The following ZDHHC2 variants were observed in gnomAD, a reference collection of about 807,000 sequenced individuals.
ZDHHC2 encodes palmitoyltransferase ZDHHC2.
A neutral mutation model predicts 55.6 loss-of-function variants in ZDHHC2; 51 were observed. The observed-to-expected ratio is 0.92, with a 90% CI of 0.73 to 1.16. The LOEUF (loss-of-function observed/expected upper bound fraction) is 1.16, where lower values mean the gene tolerates loss of function less well. Among genes scored for constraint, ZDHHC2 ranks in the 50% most tolerant of loss-of-function variants. The probability of loss-of-function intolerance (pLI) is 0.00; values close to 1 mark genes in which losing one functional copy is unlikely to be tolerated. For synonymous variants in ZDHHC2, 199 were observed against 152.9 expected (o/e 1.30, Z -2.22); for missense variants, 491 against 442.4 (o/e 1.11, Z -0.99).
intron 7 of ZDHHC2, among the ~76,000 whole-genome samples, chr8:17,206,855 G>C (rs771308342): frequency 2.0e-5 from 3 of 152,126 alleles, no homozygotes; most frequent in African/African-American, 7.2e-5. Context: ...GATCACTTAT[G>C]TGAGATTTGA....
At chr8:17,194,851 C>G (rs949746883) in intron 3 of ZDHHC2, among the ~76,000 whole-genome samples, 1 of 151,986 alleles carries the variant, frequency 6.6e-6, no homozygotes, top group African/African-American at 2.4e-5. Context: ...TTTTCTTGTA[C>G]ATGTCTCCTG....
intron 1 of ZDHHC2, among the ~76,000 whole-genome samples, chr8:17,160,913 C>T (rs991257794): frequency 1.3e-5 from 2 of 152,162 alleles, no homozygotes; most frequent in Non-Finnish European, 2.9e-5. Flanking sequence ...GTTTGCTGAG[C>T]TTTGGAGTAT....
intron 1 of ZDHHC2, among the ~76,000 whole-genome samples, chr8:17,180,994 A>G (rs1329826505): frequency 6.6e-6 from 1 of 152,016 alleles, no homozygotes; most frequent in Non-Finnish European, 1.5e-5. Context: ...AACAGGAACC[A>G]TTTTGTCTTC....
At chr8:17,182,425 C>T (rs79359031) in intron 1 of ZDHHC2, among the ~76,000 whole-genome samples, 4,167 of 152,052 alleles carry the variant, frequency 0.027, 73 homozygotes, top group Non-Finnish European at 0.033. Flanking sequence ...CCTATGATGT[C>T]GACAAAAATT....
Position 17,208,682 on chromosome 8 carries a change from G to A in ZDHHC2, c.730+590G>A, listed in dbSNP as rs1023226805. The stretch of plus-strand genomic sequence containing the variant: ...CAGTATTTTGAAATGAAACATTATG[G>A]AATTCTCAAATGAAATCATTACACC... On this transcript the variant is annotated intron_variant, in intron 8 of 12. Coordinates refer to ENST00000262096, the MANE Select transcript of ZDHHC2 (RefSeq NM_016353.5). Among the ~76,000 whole-genome samples the A allele has an allele frequency of 2.6e-5, 4 of 152,200 alleles. No homozygotes were observed. In the South Asian group the frequency reaches 8.3e-4, roughly 32 times the overall value.
chr8:17,174,655 A>T (rs1290581409), intron 1 of ZDHHC2, among the ~76,000 whole-genome samples: 1 of 143,448 alleles, frequency 7.0e-6, no homozygotes, highest in East Asian at 2.1e-4. Context: ...ATCTTGGTTT[A>T]TATGCTTTAA....
At chr8:17,194,117 A>G (rs1319685008) in intron 3 of ZDHHC2, among the ~76,000 whole-genome samples, 2 of 152,060 alleles carry the variant, frequency 1.3e-5, no homozygotes, top group East Asian at 3.9e-4. Flanking sequence ...TTATGGCTTC[A>G]TAGTATTCCG....
At chr8:17,196,603 A>G (rs920807309) in intron 4 of ZDHHC2, among the ~76,000 whole-genome samples, 1 of 151,138 alleles carries the variant, frequency 6.6e-6, no homozygotes, top group African/African-American at 2.4e-5. Flanking sequence ...AACAGGAAAA[A>G]CTCATTAAGA....
intron 6 of ZDHHC2, among the ~76,000 whole-genome samples, chr8:17,199,567 C>T (rs1411725183): frequency 1.1e-4 from 4 of 36,422 alleles, no homozygotes; most frequent in Non-Finnish European, 1.7e-4. Context: ...TCGTCTTCTT[C>T]GTCTTTGTCT....
intron 3 of ZDHHC2, among the ~76,000 whole-genome samples, chr8:17,186,712 A>G (rs184861210): frequency 5.9e-5 from 9 of 152,322 alleles, no homozygotes; most frequent in African/African-American, 1.4e-4. Flanking sequence ...GATAGATAAT[A>G]AAATAGAGCT....
chr8:17,197,265 G>A (rs1414678716), intron 4 of ZDHHC2, among the ~76,000 whole-genome samples: 1 of 152,036 alleles, frequency 6.6e-6, no homozygotes, highest in African/African-American at 2.4e-5. Context: ...TTAATTGAGG[G>A]AGACATTCTA....
At chr8:17,199,612 C>CT (rs1806613738) in intron 6 of ZDHHC2, among the ~76,000 whole-genome samples, 2 of 68,914 alleles carry the variant, frequency 2.9e-5, no homozygotes, top group East Asian at 3.0e-4. Flanking sequence ...ATTCTTTCTT[C>CT]TTCTTCTTCT....
In ZDHHC2 at chr8:17,199,626, T is replaced by TTTCTTCTTCCTTTC. The variant is rs1806621043; in HGVS notation, c.476+1222_476+1223insCTTTCTTCTTCTTC. Among the ~76,000 whole-genome samples, 3 of 48,678 alleles carry TTTCTTCTTCCTTTC rather than the reference T, an allele frequency of 6.2e-5. 1 individual carries two copies. The South Asian group carries it at 2.4e-3, about 38-fold the overall frequency. The allele number at this position is 48,678 out of a possible 152,430, so 31.9% of individuals were successfully genotyped here. A position where few individuals can be genotyped will look rare whatever the true frequency, so the allele number is the denominator to read the frequency against. On this transcript the variant is annotated intron_variant, in intron 6 of 12. Coordinates refer to ENST00000262096, the MANE Select transcript of ZDHHC2 (RefSeq NM_016353.5). ...TATTCTTTCTTCTTCTTCTTCTTCC[T>TTTCTTCTTCCTTTC]TTCTTCTTCTTCTCCTCCTCCTCCT... is the stretch of plus-strand genomic sequence containing the variant.
At chr8:17,205,383 G>C (rs778858244) in intron 6 of ZDHHC2, among the ~76,000 whole-genome samples, 5 of 152,190 alleles carry the variant, frequency 3.3e-5, no homozygotes, top group Non-Finnish European at 7.3e-5. Context: ...GTGCTTTGAG[G>C]GATGTGCATA....
chr8:17,211,174 G>C (rs887603547), intron 10 of ZDHHC2, among the ~76,000 whole-genome samples: 1 of 152,194 alleles, frequency 6.6e-6, no homozygotes, highest in African/African-American at 2.4e-5. Flanking sequence ...AAAATGCTAT[G>C]TATGAATTTT....
chr8:17,201,724 C>T (rs1275415874), intron 6 of ZDHHC2, among the ~76,000 whole-genome samples: 2 of 150,708 alleles, frequency 1.3e-5, no homozygotes, highest in African/African-American at 4.9e-5. Flanking sequence ...TCTCGATCTC[C>T]TGACCTTGTG....
intron 8 of ZDHHC2, among the ~76,000 whole-genome samples, chr8:17,208,785 T>A (rs1225956282): frequency 6.6e-6 from 1 of 152,212 alleles, no homozygotes; most frequent in Admixed American, 6.5e-5. Context: ...TGTTAGGCAG[T>A]TAAATTGTAA....
chr8:17,199,465 ACTTCTTCTTCTTCTT>A lies in ZDHHC2; in HGVS notation c.476+1087_476+1101del, dbSNP rs377014817. ...CCTCTCCCCCAGTGTCTTTAATAAG[ACTTCTTCTTCTTCTT>A]CTTCTTCTTCTTCTTCTTCTTCTTC... On this transcript the variant is annotated intron_variant, in intron 6 of 12. Coordinates refer to ENST00000262096, the MANE Select transcript of ZDHHC2 (RefSeq NM_016353.5). Among the ~76,000 whole-genome samples the A allele has an allele frequency of 3.2e-3, 320 of 98,596 alleles. 2 individuals are homozygous for A. Among genetic ancestry groups the A allele is most frequent in the African/African-American group, 0.01 (255 of 25,132 alleles). 64.7% of individuals were successfully genotyped at this position (98,596 alleles called of 152,430 possible).
At chr8:17,196,770 G>T (rs541115405) in intron 4 of ZDHHC2, among the ~76,000 whole-genome samples, 1 of 151,966 alleles carries the variant, frequency 6.6e-6, no homozygotes, top group East Asian at 1.9e-4. Context: ...CCTGGGCGTG[G>T]TGGCGCATGC....
Sources: allele counts gnomAD v4.1 joint callset (sites outside exome capture counted in the v4.1 genomes callset), GRCh38; gene constraint gnomAD v4.1.1; transcripts MANE v1.5; gene names NCBI Gene and HGNC (gene_info 2026-07-23, HGNC 2026-07-21).